The following BCL9 variants were observed in gnomAD, a reference collection of about 807,000 sequenced individuals.
BCL9 encodes B-cell CLL/lymphoma 9 protein.
A neutral mutation model predicts 88.5 loss-of-function variants in BCL9; 25 were observed. The observed-to-expected ratio is 0.28, with a 90% CI of 0.21 to 0.39. The LOEUF is 0.39. BCL9 is among the 10% of genes least tolerant of loss of function. The pLI is 1.00. For synonymous variants in BCL9, 711 were observed against 673.3 expected, an observed-to-expected ratio of 1.06 and a Z score of -0.87; for missense variants, 1,817 against 1,877.8, an observed-to-expected ratio of 0.97 and a Z score of 0.60.
chr1:147,556,538 C>T (rs782487213), intron 1 of BCL9, among the ~76,000 whole-genome samples: 22 of 152,156 alleles, frequency 1.4e-4, no homozygotes, highest in Non-Finnish European at 3.1e-4. Flanking sequence ...GCAACTTTGA[C>T]CTCTCAGGCT....
chr1:147,569,488 A>AAG lies in BCL9; in HGVS notation c.-478+27814_-478+27815insAG, dbSNP rs35119930. Reference sequence around the variant, plus strand: ...TACTAAAATACAAAAAAAAAAAAAAAGAAAGAAAAAAATCAGCCAGGTGTG... The same window carrying AAG: ...TACTAAAATACAAAAAAAAAAAAAAAAGGAAAGAAAAAAATCAGCCAGGTGTG... On this transcript the variant is annotated intron_variant, in intron 1 of 9. Transcript: ENST00000234739. 6.9e-3 allele frequency among the ~76,000 whole-genome samples: 31 copies of AAG among 4,478 alleles called. 2 individuals are homozygous for AAG. The highest frequency in any genetic ancestry group is 0.046 in the African/African-American group (31 of 670). The allele number at this position is 4,478 out of a possible 152,430, so 2.9% of individuals were successfully genotyped here. A position where few individuals can be genotyped will look rare whatever the true frequency, so the allele number is the denominator to read the frequency against.
Position 147,604,765 on chromosome 1 carries a change from T to A in BCL9, c.-477-12T>A, listed in dbSNP as rs1657572369. Reference sequence around the variant, plus strand: ...TTGGAGTATGAACTTTTCTTTTTCCTTATCTGTATAGGACTGAATGTGGGC... The same window carrying A: ...TTGGAGTATGAACTTTTCTTTTTCCATATCTGTATAGGACTGAATGTGGGC... On this transcript the variant is annotated splice_polypyrimidine_tract_variant and intron_variant, in intron 1 of 9. Transcript: ENST00000234739. 6.6e-6 allele frequency: 1 copy of A among 152,238 alleles called. No individual in the cohort carries two copies. The highest frequency in any genetic ancestry group is 2.1e-4 in the South Asian group (1 of 4,832). 9.4% of individuals were successfully genotyped at this position (152,238 alleles called of 1,614,324 possible).
At chr1:147,599,180 G>A (rs1265280915) in intron 1 of BCL9, among the ~76,000 whole-genome samples, 3 of 152,246 alleles carry the variant, frequency 2.0e-5, no homozygotes, top group African/African-American at 7.2e-5. Flanking sequence ...TGCACCCCCG[G>A]CGCATCAGCG....
intron 1 of BCL9, among the ~76,000 whole-genome samples, chr1:147,583,452 A>G (rs1557836752): frequency 2.0e-5 from 3 of 151,250 alleles, no homozygotes; most frequent in East Asian, 4.0e-4. Context: ...TAATTTTTGT[A>G]TTTTTAGTAG....
In BCL9 at chr1:147,611,729, G is replaced by A. The variant is rs1570903221; in HGVS notation, c.-108G>A. On this transcript the variant is annotated 5_prime_UTR_variant, in exon 4 of 10. Transcript: ENST00000234739. ...CAGCGAGCGCTAAGGGACGCACCCA[G>A]CAAGCAGTGGGCCAGTGCCACTGCC... The A allele has an allele frequency of 1.2e-5, 13 of 1,068,638 alleles. No homozygotes were observed. The East Asian group carries it at 3.1e-4, about 25-fold the overall frequency. The allele number at this position is 1,068,638 out of a possible 1,614,324, so 66.2% of individuals were successfully genotyped here. A position where few individuals can be genotyped will look rare whatever the true frequency, so the allele number is the denominator to read the frequency against.
chr1:147,557,666 C>T (rs77201911), intron 1 of BCL9, among the ~76,000 whole-genome samples: 1 of 152,034 alleles, frequency 6.6e-6, no homozygotes, highest in East Asian at 1.9e-4. Flanking sequence ...GAATATTTAC[C>T]CTACCATAGG....
intron 1 of BCL9, among the ~76,000 whole-genome samples, chr1:147,546,268 G>C (rs1553194250): frequency 6.6e-6 from 1 of 151,876 alleles, no homozygotes; most frequent in Non-Finnish European, 1.5e-5. Flanking sequence ...AACCCAGGAG[G>C]AGGAGCTTGC....
At chr1:147,580,328 G>A (rs1418767439) in intron 1 of BCL9, among the ~76,000 whole-genome samples, 3 of 152,214 alleles carry the variant, frequency 2.0e-5, no homozygotes, top group Non-Finnish European at 2.9e-5. Context: ...ACATCTGAAT[G>A]TACGTAAAGA....
At chr1:147,560,918 T>G (rs1553196036) in intron 1 of BCL9, among the ~76,000 whole-genome samples, 1 of 152,214 alleles carries the variant, frequency 6.6e-6, no homozygotes, top group Admixed American at 6.5e-5. Context: ...CTCTTACTCA[T>G]AAAGAGAGTC....
chr1:147,557,007 C>G lies in BCL9; in HGVS notation c.-478+15333C>G, dbSNP rs377524349. ...AAGCTTGGCTTTGCCACTGCACATC[C>G]TCAGGCAGGGTACCAAGCAGCAATC... is the stretch of plus-strand genomic sequence containing the variant. On this transcript the variant is annotated intron_variant, in intron 1 of 9. Coordinates refer to ENST00000234739, the MANE Select transcript of BCL9 (RefSeq NM_004326.4). Among the ~76,000 whole-genome samples, 14 of 152,278 alleles carry G rather than the reference C, an allele frequency of 9.2e-5. 1 individual carries two copies. The East Asian group carries it at 1.9e-3, about 21-fold the overall frequency.
At chr1:147,582,804 G>A (rs1656427232) in intron 1 of BCL9, among the ~76,000 whole-genome samples, 1 of 152,164 alleles carries the variant, frequency 6.6e-6, no homozygotes, top group South Asian at 2.1e-4. Flanking sequence ...GAGACTGTAT[G>A]ACCTGCAAAT....
chr1:147,620,420 A>C lies in BCL9; in HGVS notation c.2265A>C (p.Ser755=). The change falls in exon 8 of 10, where the codon TCA becomes TCC. Residue 755 remains serine (S), a synonymous_variant. Transcript: ENST00000234739. Reference sequence around the variant, plus strand: ...TGCTGAAATTACGCCCAGGTGGCTCAGACATGCTGCCTGCTCAGCAGAAGA... The same window carrying C: ...TGCTGAAATTACGCCCAGGTGGCTCCGACATGCTGCCTGCTCAGCAGAAGA... ...EEMLKLRPGG[S]DMLPAQQKMV... The C allele has an allele frequency of 6.2e-7, 1 of 1,614,116 alleles. No homozygotes were observed.
In BCL9 at chr1:147,570,630, C is replaced by CTTTTCTTTTTTTTTTTTTTTT; in HGVS notation, c.-478+28960_-478+28961insCTTTTTTTTTTTTTTTTTTTT. On this transcript the variant is annotated intron_variant, in intron 1 of 9. Coordinates refer to ENST00000234739, the MANE Select transcript of BCL9 (RefSeq NM_004326.4). Reference sequence around the variant, plus strand: ...TAACACAAAATTGTTGACTGATTTTCTTTTTTTTCTTTTTTTTTTTTGTAG... The same window carrying CTTTTCTTTTTTTTTTTTTTTT: ...TAACACAAAATTGTTGACTGATTTTCTTTTCTTTTTTTTTTTTTTTTTTTTTTTTCTTTTTTTTTTTTGTAG... Among the ~76,000 whole-genome samples, 2 of 15,184 alleles carry CTTTTCTTTTTTTTTTTTTTTT rather than the reference C, an allele frequency of 1.3e-4. 1 individual carries two copies. The highest frequency in any genetic ancestry group is 2.4e-4 in the Non-Finnish European group (2 of 8,442). 10.0% of individuals were successfully genotyped at this position (15,184 alleles called of 152,430 possible).
At chr1:147,614,919 A>C (rs1050191973) in intron 6 of BCL9, among the ~76,000 whole-genome samples, 2 of 150,768 alleles carry the variant, frequency 1.3e-5, no homozygotes, top group Non-Finnish European at 1.5e-5. Context: ...GCCCACTGCA[A>C]CCTCCACCTC....
rs782515483 is a variant in BCL9 at position 147,615,852 on chromosome 1, C to T, written c.610C>T (p.His204Tyr). The change falls in exon 7 of 10, where the codon CAC (histidine) becomes TAC (tyrosine). Residue 204 changes from histidine to tyrosine, a missense_variant. His to Tyr is a moderately conservative substitution (Grantham distance 83, BLOSUM62 2). Around this residue, in one of 2 missense-constraint regions of BCL9, gnomAD observed 1,228 missense variants for 1,191.6 expected, o/e 1.03. Coordinates refer to ENST00000234739, the MANE Select transcript of BCL9 (RefSeq NM_004326.4). ...CCAGGTTGAAACTATCGTCTCTTTC[C>T]ACATCCAGAACATTTCTAACAACAA... ...KGQVETIVSF[H>Y]IQNISNNKTE... The T allele has an allele frequency of 6.2e-7, 1 of 1,614,192 alleles. No individual in the cohort carries two copies. Among genetic ancestry groups the T allele is most frequent in the South Asian group, 1.1e-5 (1 of 91,084 alleles).
chr1:147,570,630 C>CTTTTCTTTTTTTTTTTT (rs1357272075), intron 1 of BCL9, among the ~76,000 whole-genome samples: 4 of 15,174 alleles, frequency 2.6e-4, no homozygotes, highest in Admixed American at 9.2e-4. Flanking sequence ...GACTGATTTT[C>CTTTTCTTTTTTTTTTTT]TTTTTTTTCT....
chr1:147,552,614 AAAAC>A (rs1156773775), intron 1 of BCL9, among the ~76,000 whole-genome samples: 67 of 152,358 alleles, frequency 4.4e-4, no homozygotes, highest in African/African-American at 1.5e-3. Context: ...CTCAAAAAAT[AAAAC>A]AAACAAACAA....
chr1:147,582,555 G>A lies in BCL9; in HGVS notation c.-477-22222G>A, dbSNP rs182492274. Among the ~76,000 whole-genome samples the A allele has an allele frequency of 7.8e-3, 1,190 of 152,240 alleles. 20 individuals are homozygous for A. The highest frequency in any genetic ancestry group is 0.027 in the African/African-American group (1,133 of 41,528). ...GGTGGCAAACTAGGACCCGAGGGCCGAATCTGTCCTGTGGCTTGTTTTTGT... is the reference window on the plus strand; with the variant it reads ...GGTGGCAAACTAGGACCCGAGGGCCAAATCTGTCCTGTGGCTTGTTTTTGT... On this transcript the variant is annotated intron_variant, in intron 1 of 9. Transcript: ENST00000234739.
rs1170414603 is a variant in BCL9, at chr1:147,619,678, G to A, written c.1523G>A (p.Arg508Gln). Residue 508 changes from arginine to glutamine, a missense_variant, in exon 8 of 10, where the codon CGG (arginine) becomes CAG (glutamine). Transcript: ENST00000234739. The surrounding 1 kb of genome is among the most constrained non-coding windows in gnomAD (Gnocchi z 4.1). ...ATGATGGTCCATCAGCACGGGCCTC[G>A]GGGAGTGGTCCGAGGACCCCCCCCT... ...QDMMVHQHGPRGVVRGPPPPY... is the reference protein window; with the variant it reads ...QDMMVHQHGPQGVVRGPPPPY... 82 of 1,614,040 alleles carry A rather than the reference G, an allele frequency of 5.1e-5. No individual in the cohort carries two copies. Among genetic ancestry groups the A allele is most frequent in the Middle Eastern group, 1.7e-4 (1 of 6,060 alleles).
Sources: allele counts gnomAD v4.1 joint callset (sites outside exome capture counted in the v4.1 genomes callset), GRCh38; gene constraint gnomAD v4.1.1; regional missense constraint gnomAD v4.1.1; non-coding constraint Gnocchi (gnomAD v3.1); transcripts MANE v1.5; gene names NCBI Gene and HGNC (gene_info 2026-07-23, HGNC 2026-07-21).